The following WDR70 variants were observed in gnomAD, a reference collection of about 807,000 sequenced individuals.
WDR70 encodes WD repeat-containing protein 70.
A neutral mutation model predicts 88.6 loss-of-function variants in WDR70; 53 were observed. That is an observed-to-expected ratio of 0.60 (90% CI 0.48 to 0.75). The LOEUF (loss-of-function observed/expected upper bound fraction) is 0.75. WDR70 is among the 30% of genes least tolerant of loss of function. The pLI, the probability that WDR70 is intolerant of heterozygous loss-of-function variation, is 0.00. For missense variants in WDR70, 610 were observed against 823.2 expected, an observed-to-expected ratio of 0.74 and a Z score of 3.17; for synonymous variants, 280 against 270.0, an observed-to-expected ratio of 1.04 and a Z score of -0.36.
intron 17 of WDR70, among the ~76,000 whole-genome samples, chr5:37,748,448 A>G (rs561441825): frequency 6.6e-6 from 1 of 152,366 alleles, no homozygotes; most frequent in Admixed American, 6.5e-5. Context: ...CTTATACCTT[A>G]TACAAGAATT....
At chr5:37,727,676 A>G (rs1748016322) in intron 17 of WDR70, among the ~76,000 whole-genome samples, 1 of 152,098 alleles carries the variant, frequency 6.6e-6, no homozygotes, top group Non-Finnish European at 1.5e-5. Flanking sequence ...CCTGGGCTCA[A>G]AGGATTCTCC....
Position 37,465,658 on chromosome 5 carries a change from GTTTTTTTTT to G in WDR70, c.687-14165_687-14157del, listed in dbSNP as rs59224939. Among the ~76,000 whole-genome samples, 3 of 99,388 alleles carry G rather than the reference GTTTTTTTTT, an allele frequency of 3.0e-5. No individual in the cohort carries two copies. The Admixed American group carries it at 3.2e-4, about 11-fold the overall frequency. 65.2% of individuals were successfully genotyped at this position (99,388 alleles called of 152,430 possible). On this transcript the variant is annotated intron_variant, in intron 7 of 17. Transcript: ENST00000265107. Reference sequence around the variant, plus strand: ...GTGTCCAAAAGACAAATTGTCATGAGTTTTTTTTTTTTTTTTTTTCTGAAGTATCCATTT... The same window carrying G: ...GTGTCCAAAAGACAAATTGTCATGAGTTTTTTTTTTCTGAAGTATCCATTT...
At chr5:37,751,357 T>C (rs558621849) in intron 17 of WDR70, among the ~76,000 whole-genome samples, 1 of 152,300 alleles carries the variant, frequency 6.6e-6, no homozygotes, top group African/African-American at 2.4e-5. Flanking sequence ...TTTAACCAAC[T>C]GGGTTGTGTA....
At chr5:37,657,348 A>T (rs1745582702) in intron 10 of WDR70, among the ~76,000 whole-genome samples, 1 of 152,154 alleles carries the variant, frequency 6.6e-6, no homozygotes, top group Admixed American at 6.5e-5. Context: ...CAATGAGATA[A>T]GCCAGGTACC....
intron 8 of WDR70, chr5:37,506,521 C>T: frequency 2.6e-6 from 2 of 770,224 alleles, no homozygotes; most frequent in African/African-American, 1.7e-5. Context: ...AGCATACTGT[C>T]AGGTTCTTTA....
chr5:37,670,111 G>A (rs190198230), intron 10 of WDR70, among the ~76,000 whole-genome samples: 12 of 152,214 alleles, frequency 7.9e-5, no homozygotes, highest in East Asian at 5.8e-4. Context: ...TGGTGGCTGC[G>A]CAACTCTTGG....
At chr5:37,415,437 G>T (rs865836797) in intron 5 of WDR70, among the ~76,000 whole-genome samples, 9 of 92,358 alleles carry the variant, frequency 9.7e-5, no homozygotes, top group East Asian at 3.2e-4. Flanking sequence ...CCTCCCGGAC[G>T]GGGCGGCTGG....
At chr5:37,744,812 G>A (rs1017511866) in intron 17 of WDR70, among the ~76,000 whole-genome samples, 1 of 152,064 alleles carries the variant, frequency 6.6e-6, no homozygotes, top group African/African-American at 2.4e-5. Flanking sequence ...TGATTGATTG[G>A]AGTACCAGAA....
chr5:37,713,610 CTTATTA>C (rs1184295272), intron 13 of WDR70, among the ~76,000 whole-genome samples: 1 of 151,944 alleles, frequency 6.6e-6, no homozygotes. Context: ...GTTATATTTA[CTTATTA>C]TTATTAGGTA....
chr5:37,407,485 A>G (rs1749388647), intron 5 of WDR70, among the ~76,000 whole-genome samples: 1 of 146,236 alleles, frequency 6.8e-6, no homozygotes, highest in Non-Finnish European at 1.5e-5. Context: ...AAATCGTACC[A>G]CTGTACTCCA....
intron 10 of WDR70, among the ~76,000 whole-genome samples, chr5:37,657,941 T>G (rs191410809): frequency 6.6e-6 from 1 of 152,362 alleles, no homozygotes; most frequent in Admixed American, 6.5e-5. Flanking sequence ...TAGTAACCTA[T>G]TGTTAACCAG....
chr5:37,684,511 T>G (rs1187652777), intron 10 of WDR70, among the ~76,000 whole-genome samples: 1 of 152,212 alleles, frequency 6.6e-6, no homozygotes, highest in African/African-American at 2.4e-5. Context: ...TTGATTTTGG[T>G]GTAATGTGGG....
intron 10 of WDR70, among the ~76,000 whole-genome samples, 199 bp downstream of exon 10, chr5:37,605,437 T>C (rs2112476849): frequency 6.6e-6 from 1 of 152,326 alleles, no homozygotes; most frequent in African/African-American, 2.4e-5. Flanking sequence ...AACTCTGTAT[T>C]TTTCAGTACA....
intron 8 of WDR70, among the ~76,000 whole-genome samples, chr5:37,493,659 G>A (rs938906026): frequency 1.3e-5 from 2 of 152,042 alleles, no homozygotes; most frequent in Admixed American, 6.6e-5. Context: ...GTAATAAATC[G>A]GGGGTGTACT....
At chr5:37,426,795 CT>C (rs3038670) in intron 5 of WDR70, among the ~76,000 whole-genome samples, 65,157 of 144,012 alleles carry the variant, frequency 0.45, 17,291 homozygotes, top group Non-Finnish European at 0.6. Flanking sequence ...AATCTAGGTT[CT>C]TTTTTTTTTT....
At chr5:37,446,012 GATGAC>G (rs1284751037) in intron 7 of WDR70, among the ~76,000 whole-genome samples, 4 of 152,178 alleles carry the variant, frequency 2.6e-5, no homozygotes, top group Non-Finnish European at 4.4e-5. Flanking sequence ...CCTGTGTGCA[GATGAC>G]ATGGTTGTAT....
chr5:37,632,733 T>C (rs1038095860), intron 10 of WDR70, among the ~76,000 whole-genome samples: 2 of 152,184 alleles, frequency 1.3e-5, no homozygotes, highest in African/African-American at 2.4e-5. Flanking sequence ...TACAGTTAAT[T>C]TATTATTGAA....
At chr5:37,502,803 A>G (rs975000546) in intron 8 of WDR70, among the ~76,000 whole-genome samples, 12 of 152,168 alleles carry the variant, frequency 7.9e-5, no homozygotes, top group African/African-American at 1.9e-4. Context: ...GTGGAAGCAG[A>G]AGCGAGAGAG....
At chr5:37,690,204 G>A (rs925578242) in intron 10 of WDR70, among the ~76,000 whole-genome samples, 28 of 152,118 alleles carry the variant, frequency 1.8e-4, no homozygotes, top group Non-Finnish European at 3.5e-4. Flanking sequence ...AAGAAATATG[G>A]GACTATGTGA....
Sources: gnomAD v4.1 joint callset for allele counts (sites outside exome capture counted in the v4.1 genomes callset) on GRCh38, gnomAD v4.1.1 for gene constraint, MANE v1.5 for transcripts, NCBI Gene and HGNC (gene_info 2026-07-23, HGNC 2026-07-21) for gene names.